The following SENP8 variants were observed in gnomAD, a reference collection of about 807,000 sequenced individuals.
SENP8 encodes sentrin-specific protease 8.
Under a neutral mutation model 14.4 loss-of-function variants are expected in SENP8, and 10 were observed. The ratio of observed to expected loss-of-function variants is 0.69; its 90% CI spans 0.43 to 1.18. The LOEUF is 1.18. Ranked by LOEUF, SENP8 falls within the 50% of genes most tolerant of loss-of-function variation. SENP8 has a pLI of 0.00. For missense variants in SENP8, 202 were observed against 249.4 expected, an observed-to-expected ratio of 0.81 and a Z score of 1.28; for synonymous variants, 94 against 95.5, an observed-to-expected ratio of 0.98 and a Z score of 0.09.
intron 1 of SENP8, among the ~76,000 whole-genome samples, chr15:72,123,721 G>A (rs2081188455): frequency 6.6e-6 from 1 of 152,058 alleles, no homozygotes; most frequent in Admixed American, 6.6e-5. Flanking sequence ...TGTATTTTTA[G>A]TAGAGACAGG....
At chr15:72,138,964 CAAAAAAA>C (rs71133960) in intron 1 of SENP8, among the ~76,000 whole-genome samples, 3 of 42,874 alleles carry the variant, frequency 7.0e-5, no homozygotes, top group East Asian at 7.7e-4. Flanking sequence ...GACTCCATCT[CAAAAAAA>C]AAAAAAAAAA....
upstream of SENP8, among the ~76,000 whole-genome samples, chr15:72,115,263 C>T (rs1567057626): frequency 6.6e-6 from 1 of 152,182 alleles, no homozygotes; most frequent in Non-Finnish European, 1.5e-5. Context: ...GATTTTGCCT[C>T]CAAAATCTAC....
chr15:72,141,720 ATCAAAAAAAGTT>A lies in SENP8; in HGVS notation c.*1461_*1472del, dbSNP rs1352901689. 6.6e-6 allele frequency: 1 copy of A among 152,266 alleles called. No homozygotes were observed. The highest frequency in any genetic ancestry group is 1.5e-5 in the Non-Finnish European group (1 of 68,058). 9.4% of individuals were successfully genotyped at this position (152,266 alleles called of 1,614,324 possible). ...GAAACTAAAAGTCAAAGAGAAAGCT[ATCAAAAAAAGTT>A]TCCATTTCAAGTCGGTACATTTTGG... On this transcript the variant is annotated 3_prime_UTR_variant, in exon 2 of 2. Coordinates refer to ENST00000340912, the MANE Select transcript of SENP8 (RefSeq NM_145204.4).
chr15:72,133,410 G>T (rs941829193), intron 1 of SENP8, among the ~76,000 whole-genome samples: 1 of 152,108 alleles, frequency 6.6e-6, no homozygotes, highest in Non-Finnish European at 1.5e-5. Context: ...ATTCTAGCAC[G>T]CTAGACTATT....
chr15:72,126,709 C>T (rs565246126), intron 1 of SENP8, among the ~76,000 whole-genome samples: 6 of 152,264 alleles, frequency 3.9e-5, no homozygotes, highest in East Asian at 1.9e-4. Context: ...CACGTGAACA[C>T]GCTGAAAACA....
intron 1 of SENP8, among the ~76,000 whole-genome samples, chr15:72,136,225 T>G (rs1567070509): frequency 6.6e-6 from 1 of 152,226 alleles, no homozygotes; most frequent in Non-Finnish European, 1.5e-5. Context: ...TGAAAATCTC[T>G]TGAGAAAAAA....
chr15:72,132,008 G>A (rs572911942), intron 1 of SENP8, among the ~76,000 whole-genome samples: 54 of 152,082 alleles, frequency 3.6e-4, no homozygotes, highest in Admixed American at 1.9e-3. Context: ...TTTTTAATTC[G>A]TGTAACAACC....
chr15:72,117,463 G>A (rs1475987964), upstream of SENP8, among the ~76,000 whole-genome samples: 1 of 152,158 alleles, frequency 6.6e-6, no homozygotes, highest in African/African-American at 2.4e-5. Context: ...GGGGAGGCTG[G>A]AGGGCCGGAA....
chr15:72,117,753 G>A (rs922675173), upstream of SENP8: 1 of 397,994 alleles, frequency 2.5e-6, no homozygotes, highest in Non-Finnish European at 4.4e-6. Flanking sequence ...TCCGCCCCAG[G>A]GTAGGACCGG....
At chr15:72,118,719 T>C (rs2081102458) in intron 1 of SENP8, 1 of 152,300 alleles carries the variant, frequency 6.6e-6, no homozygotes, top group Non-Finnish European at 1.5e-5. Flanking sequence ...GGTTCCAGAA[T>C]GTCAGAGGCG....
At chr15:72,138,524 A>T in intron 1 of SENP8, among the ~76,000 whole-genome samples, 1 of 150,744 alleles carries the variant, frequency 6.6e-6, no homozygotes, top group East Asian at 2.0e-4. Context: ...TAATTTTTGT[A>T]TTTTTAGTAG....
chr15:72,120,886 T>C (rs1186706234), intron 1 of SENP8, among the ~76,000 whole-genome samples: 5 of 152,248 alleles, frequency 3.3e-5, no homozygotes, highest in Non-Finnish European at 7.3e-5. Context: ...GAAGAAATGC[T>C]AAATTTCAGC....
upstream of SENP8, chr15:72,117,773 A>C (rs1041557018): frequency 2.5e-6 from 1 of 397,960 alleles, no homozygotes; most frequent in African/African-American, 2.1e-5. Flanking sequence ...GAGATGGCAG[A>C]AGAGGCCGAG....
chr15:72,116,121 A>G (rs2080965669), upstream of SENP8, among the ~76,000 whole-genome samples: 1 of 152,254 alleles, frequency 6.6e-6, no homozygotes, highest in South Asian at 2.1e-4. Flanking sequence ...GAAAGGATAC[A>G]CATGAAGCTG....
intron 1 of SENP8, among the ~76,000 whole-genome samples, chr15:72,133,979 C>T (rs1297686285): frequency 2.0e-5 from 3 of 152,036 alleles, no homozygotes; most frequent in Admixed American, 6.6e-5. Flanking sequence ...GATGGAGTCT[C>T]GCTCTGTCAC....
chr15:72,138,273 T>C (rs933518596), intron 1 of SENP8, among the ~76,000 whole-genome samples: 11 of 152,102 alleles, frequency 7.2e-5, no homozygotes, highest in African/African-American at 2.7e-4. Context: ...GAATTTCTTA[T>C]AGTTACAGTT....
intron 1 of SENP8, among the ~76,000 whole-genome samples, chr15:72,137,359 T>A (rs1375631566): frequency 1.3e-5 from 2 of 151,994 alleles, no homozygotes; most frequent in African/African-American, 4.8e-5. Context: ...TACCAGCAAA[T>A]CAGTGGTAAA....
intron 1 of SENP8, among the ~76,000 whole-genome samples, chr15:72,121,286 G>A (rs1254057146): frequency 2.0e-5 from 3 of 152,204 alleles, no homozygotes; most frequent in Non-Finnish European, 4.4e-5. Flanking sequence ...AGTTACTTTG[G>A]TAGACAATGG....
chr15:72,129,616 A>G (rs1419025558), intron 1 of SENP8, among the ~76,000 whole-genome samples: 1 of 145,036 alleles, frequency 6.9e-6, no homozygotes, highest in Non-Finnish European at 1.5e-5. Context: ...ACCTCAGGTG[A>G]TCCACCCACC....
Sources: gnomAD v4.1 joint callset for allele counts (sites outside exome capture counted in the v4.1 genomes callset) on GRCh38, gnomAD v4.1.1 for gene constraint, MANE v1.5 for transcripts, NCBI Gene and HGNC (gene_info 2026-07-23, HGNC 2026-07-21) for gene names.